MATR3: variants seen among roughly 807,000 people sequenced by gnomAD.
MATR3 encodes the protein matrin 3.
MATR3 carries 4 observed loss-of-function variants against 85.5 expected under a neutral mutation model. The ratio of observed to expected loss-of-function variants is 0.05; its 90% CI spans 0.02 to 0.11. The LOEUF (loss-of-function observed/expected upper bound fraction) is 0.11, where lower values mean the gene tolerates loss of function less well. Among genes scored for constraint, MATR3 ranks in the 10% least tolerant of loss-of-function variants. MATR3 has a pLI of 1.00. For synonymous variants in MATR3, 336 were observed against 343.1 expected (o/e 0.98, Z 0.23); for missense variants, 685 against 1,016.1 (o/e 0.67, Z 4.43).
chr5:139,324,976 G>A (rs1280346530), intron 12 of MATR3, among the ~76,000 whole-genome samples: 1 of 151,930 alleles, frequency 6.6e-6, no homozygotes, highest in African/African-American at 2.4e-5. Flanking sequence ...TGGATCACGA[G>A]GTCAGGAGAT....
In MATR3 at chr5:139,322,005, G is replaced by A; in HGVS notation, c.1710G>A (p.Glu570=). The change falls in exon 10 of 15, where the codon GAG becomes GAA. Residue 570 remains glutamate, a synonymous_variant. Transcript: ENST00000394805. ...QGRCVKVDLS[E]KYKKLVLRIP... ...GATGTGTGAAGGTTGACCTGTCTGA[G>A]AAATATAAAAAACTGGTTCTGAGGG... 3 of 1,614,024 alleles carry A rather than the reference G, an allele frequency of 1.9e-6. No homozygotes were observed. The highest frequency in any genetic ancestry group is 2.2e-5 in the East Asian group (1 of 44,850).
intron 14 of MATR3, among the ~76,000 whole-genome samples, chr5:139,327,041 T>A (rs1755886969): frequency 6.6e-6 from 1 of 152,182 alleles, no homozygotes; most frequent in Admixed American, 6.5e-5. Context: ...AACCACAACA[T>A]CACTAAAGAA....
chr5:139,285,470 G>A (rs12187474), intron 3 of MATR3, among the ~76,000 whole-genome samples: 89,745 of 152,078 alleles, frequency 0.59, 28,301 homozygotes, highest in Non-Finnish European at 0.72. Context: ...TGAAGAAACT[G>A]TGGGCCAGAA....
chr5:139,306,090 G>C (rs967323293), intron 1 of MATR3, among the ~76,000 whole-genome samples: 1 of 152,120 alleles, frequency 6.6e-6, no homozygotes, highest in Non-Finnish European at 1.5e-5. Context: ...AACAACTTCA[G>C]ATTTACCTCT....
chr5:139,325,377 C>G, intron 12 of MATR3, 63 bp from the exon 13 acceptor site: 2 of 1,590,638 alleles, frequency 1.3e-6, no homozygotes, highest in Non-Finnish European at 8.6e-7. Flanking sequence ...TCAGAAACTT[C>G]GTAAATCGGG....
intron 1 of MATR3, among the ~76,000 whole-genome samples, chr5:139,305,319 TC>T (rs1320347189): frequency 6.6e-6 from 1 of 152,214 alleles, no homozygotes; most frequent in Non-Finnish European, 1.5e-5. Context: ...AGCTCTGTAG[TC>T]TAACAGTCAC....
intron 6 of MATR3, 52 bp from the exon 7 acceptor site, chr5:139,317,544 C>T: frequency 1.3e-6 from 2 of 1,592,630 alleles, no homozygotes; most frequent in Non-Finnish European, 1.7e-6. Flanking sequence ...TAATTGGTTT[C>T]ATATTGCTTT....
intron 10 of MATR3, 101 bp downstream of exon 10, chr5:139,322,130 A>T: frequency 1.5e-6 from 2 of 1,300,372 alleles, no homozygotes; most frequent in African/African-American, 1.5e-5. Flanking sequence ...ATACAGGATT[A>T]TTGAAACCTA....
At position 139,330,650 on chromosome 5, in the gene MATR3, A is replaced by G. The variant is rs1289301625; in HGVS notation, c.*1255A>G. On this transcript the variant is annotated 3_prime_UTR_variant, in exon 15 of 15. Transcript: ENST00000394805. ...AAAAACCTTATGAATTAAAAATGCT[A>G]CAGGTGAACAAACAGAAGCTTATGT... 1 of 454,030 alleles carries G rather than the reference A, an allele frequency of 2.2e-6. No homozygotes were observed. The highest frequency in any genetic ancestry group is 4.4e-6 in the Non-Finnish European group (1 of 226,800). 28.1% of individuals were successfully genotyped at this position (454,030 alleles called of 1,614,324 possible).
chr5:139,325,541 C>A lies in MATR3; in HGVS notation c.2250C>A (p.Asn750Lys), dbSNP rs373216736. 6.2e-7 allele frequency: 1 copy of A among 1,614,160 alleles called. No individual in the cohort carries two copies. Among genetic ancestry groups the A allele is most frequent in the South Asian group, 1.1e-5 (1 of 91,078 alleles). Residue 750 changes from asparagine (N) to lysine (K), a missense_variant, in exon 13 of 15, where the codon AAC (asparagine) becomes AAA (lysine). This residue lies in a region of MATR3 where 215 missense variants were observed against 194.7 expected (regional missense o/e 1.10). Coordinates refer to ENST00000394805, the MANE Select transcript of MATR3 (RefSeq NM_018834.6). ...NTEPGAESSE[N>K]ADDPNKDTSE... is the part of the protein sequence containing the mutation. ...AACCAGGTGCTGAATCTTCTGAGAA[C>A]GCTGATGATCCCAACAAAGATACAA...
chr5:139,293,873 C>G (rs527488224), intron 1 of MATR3, 68 bp downstream of exon 1: 57 of 752,842 alleles, frequency 7.6e-5, no homozygotes, highest in Non-Finnish European at 9.8e-5. Context: ...CGGGAGGGGA[C>G]AACGACGGCG....
chr5:139,329,826 T>C lies in MATR3; in HGVS notation c.*431T>C, dbSNP rs528969626. 4.2e-5 allele frequency: 19 copies of C among 454,636 alleles called. No individual in the cohort carries two copies. The East Asian group carries it at 1.1e-3, about 27-fold the overall frequency. 28.2% of individuals were successfully genotyped at this position (454,636 alleles called of 1,614,324 possible). ...ACATTCCATGTTTTAATCTGAGCCTTGCAGACTTTCATTTGGAGTTTGAAC... is the reference window on the plus strand; with the variant it reads ...ACATTCCATGTTTTAATCTGAGCCTCGCAGACTTTCATTTGGAGTTTGAAC... On this transcript the variant is annotated 3_prime_UTR_variant, in exon 15 of 15. Coordinates refer to ENST00000394805, the MANE Select transcript of MATR3 (RefSeq NM_018834.6).
At chr5:139,298,770 T>C (rs781716958) in intron 1 of MATR3, among the ~76,000 whole-genome samples, 4 of 152,104 alleles carry the variant, frequency 2.6e-5, no homozygotes, top group Non-Finnish European at 4.4e-5. Flanking sequence ...AAGAGCACCA[T>C]GGAGGAGGAA....
intron 3 of MATR3, among the ~76,000 whole-genome samples, chr5:139,283,877 T>C (rs1164148571): frequency 6.6e-6 from 1 of 152,232 alleles, no homozygotes. Context: ...ATGCTGTTTT[T>C]CCCTTCTCAT....
chr5:139,306,035 C>CA (rs1754689337), intron 1 of MATR3, among the ~76,000 whole-genome samples: 1 of 152,024 alleles, frequency 6.6e-6, no homozygotes, highest in Admixed American at 6.5e-5. Context: ...TATTGGTGAT[C>CA]AAAAAATAGA....
Position 139,319,044 on chromosome 5 carries a change from T to A in MATR3, c.1434+11T>A. The A allele has an allele frequency of 6.2e-7, 1 of 1,606,916 alleles. No homozygotes were observed. The highest frequency in any genetic ancestry group is 8.5e-7 in the Non-Finnish European group (1 of 1,173,714). On this transcript the variant is annotated intron_variant, in intron 8 of 14. Transcript: ENST00000394805. ...TATAAAAGAATAAAGGTAATGTTTA[T>A]TTTTTTCAAGCTGTATATCAGTTTA...
chr5:139,310,251 A>G (rs1003654354), intron 2 of MATR3: 3 of 152,190 alleles, frequency 2.0e-5, no homozygotes, highest in Non-Finnish European at 4.4e-5. Context: ...AGGTACTTTT[A>G]GCCTGTAAAA....
At position 139,293,745 on chromosome 5, in the gene MATR3, T is replaced by A. The variant is rs952202921; in HGVS notation, c.-238T>A. The A allele has an allele frequency of 2.7e-6, 1 of 373,942 alleles. No individual in the cohort carries two copies. The highest frequency in any genetic ancestry group is 1.4e-4 in the South Asian group (1 of 6,934). 23.2% of individuals were successfully genotyped at this position (373,942 alleles called of 1,614,324 possible). On this transcript the variant is annotated 5_prime_UTR_variant, in exon 1 of 15. Transcript: ENST00000394805. ...CCGTTGCTGCGGGGGATTGTGGGAG[T>A]CTCCGCGTCCCGCTCGCTGGGAGAG... is the stretch of plus-strand genomic sequence containing the variant.
intron 2 of MATR3, among the ~76,000 whole-genome samples, chr5:139,309,565 TTTTAATC>T (rs1754869055): frequency 6.6e-6 from 1 of 152,198 alleles, no homozygotes; most frequent in Non-Finnish European, 1.5e-5. Context: ...TATTTTTGTC[TTTTAATC>T]TTTAATCTGT....
Sources: allele counts gnomAD v4.1 joint callset (sites outside exome capture counted in the v4.1 genomes callset), GRCh38; gene constraint gnomAD v4.1.1; regional missense constraint gnomAD v4.1.1; transcripts MANE v1.5; gene names NCBI Gene and HGNC (gene_info 2026-07-23, HGNC 2026-07-21).